Variants in PCDHA10 observed in about 807,000 individuals in gnomAD.
PCDHA10 encodes the protein protocadherin alpha 10, also known as protocadherin alpha-10.
Under a neutral mutation model 61.2 loss-of-function variants are expected in PCDHA10, and 45 were observed. That is an observed-to-expected ratio of 0.74 (90% CI 0.58 to 0.94). The LOEUF is 0.94. Among genes scored for constraint, PCDHA10 ranks in the 40% least tolerant of loss-of-function variants. The pLI is 0.00. For synonymous variants in PCDHA10, 602 were observed against 548.8 expected, an observed-to-expected ratio of 1.10 and a Z score of -1.35; for missense variants, 1,278 against 1,236.2, an observed-to-expected ratio of 1.03 and a Z score of -0.51.
intron 1 of PCDHA10, chr5:140,863,127 C>A: frequency 1.7e-6 from 1 of 597,490 alleles, no homozygotes; most frequent in Non-Finnish European, 3.3e-6. Context: ...CTACGCGCCA[C>A]CGCCTGCTGG....
At chr5:140,964,783 A>C (rs2095854085) in intron 1 of PCDHA10, among the ~76,000 whole-genome samples, 1 of 152,018 alleles carries the variant, frequency 6.6e-6, no homozygotes, top group East Asian at 1.9e-4. Context: ...AAGAGGAAGA[A>C]GCCAGAGACC....
intron 1 of PCDHA10, among the ~76,000 whole-genome samples, chr5:140,890,818 A>G (rs1170693390): frequency 1.3e-5 from 2 of 152,204 alleles, no homozygotes; most frequent in African/African-American, 4.8e-5. Flanking sequence ...ATTGTTTTAA[A>G]TGTACTTACA....
chr5:140,988,201 A>C (rs2097286908), intron 3 of PCDHA10, among the ~76,000 whole-genome samples: 1 of 152,064 alleles, frequency 6.6e-6, no homozygotes, highest in Non-Finnish European at 1.5e-5. Context: ...GCATATCCTT[A>C]TTAGGAAAAA....
chr5:140,966,216 C>T (rs1189015388), intron 1 of PCDHA10: 1 of 247,072 alleles, frequency 4.0e-6, no homozygotes, highest in African/African-American at 2.2e-5. Flanking sequence ...TTTTCCCAGA[C>T]TAATCTCCTT....
At chr5:140,911,560 A>T (rs1554194794) in intron 1 of PCDHA10, among the ~76,000 whole-genome samples, 2 of 152,170 alleles carry the variant, frequency 1.3e-5, no homozygotes, top group Non-Finnish European at 2.9e-5. Flanking sequence ...ATTTTCTTTC[A>T]TCACTTTGTC....
chr5:140,877,737 G>A, intron 1 of PCDHA10: 6 of 1,614,176 alleles, frequency 3.7e-6, no homozygotes, highest in Non-Finnish European at 5.1e-6. Flanking sequence ...AGCAGAGGAG[G>A]CAGAGGGTGT....
At chr5:140,913,797 A>T (rs546197577) in intron 1 of PCDHA10, among the ~76,000 whole-genome samples, 1 of 152,210 alleles carries the variant, frequency 6.6e-6, no homozygotes, top group Admixed American at 6.5e-5. Context: ...ATTTGTTTGA[A>T]TCAAATTTTC....
At chr5:140,902,933 T>C (rs898632295) in intron 1 of PCDHA10, among the ~76,000 whole-genome samples, 56 of 152,346 alleles carry the variant, frequency 3.7e-4, no homozygotes, top group African/African-American at 1.2e-3. Flanking sequence ...GGTGTATATA[T>C]ACCACATTTT....
At chr5:140,905,035 G>C (rs1554191907) in intron 1 of PCDHA10, among the ~76,000 whole-genome samples, 1 of 152,136 alleles carries the variant, frequency 6.6e-6, no homozygotes. Flanking sequence ...AAGCTTTTTA[G>C]TTTAATTAGG....
chr5:141,010,368 C>T lies in PCDHA10; in HGVS notation c.*431C>T, dbSNP rs368481822. ...GGTATGTGTGGCTACCGCGGGTATG[C>T]GAGTGCCAGATATTGGCTGAGACGA... On this transcript the variant is annotated 3_prime_UTR_variant, in exon 4 of 4. Coordinates refer to ENST00000307360, the MANE Select transcript of PCDHA10 (RefSeq NM_018901.4). The T allele has an allele frequency of 8.2e-6, 12 of 1,470,936 alleles. No homozygotes were observed. The East Asian group carries it at 1.7e-4, about 21-fold the overall frequency. 91.1% of individuals were successfully genotyped at this position (1,470,936 alleles called of 1,614,324 possible). A position where few individuals can be genotyped will look rare whatever the true frequency, so the allele number is the denominator to read the frequency against.
chr5:140,870,949 G>A (rs1554164920), intron 1 of PCDHA10: 2 of 1,613,686 alleles, frequency 1.2e-6, no homozygotes, highest in East Asian at 2.2e-5. Context: ...GGCGGCGGGC[G>A]GCTCGCGCAT....
In PCDHA10 at chr5:140,870,260, G is replaced by T. The variant is rs782261095; in HGVS notation, c.2388+11824G>T. The T allele has an allele frequency of 2.0e-5, 32 of 1,614,082 alleles. No individual in the cohort carries two copies. The highest frequency in any genetic ancestry group is 3.3e-4 in the Middle Eastern group (2 of 6,082). On this transcript the variant is annotated intron_variant, in intron 1 of 3. Coordinates refer to ENST00000307360, the MANE Select transcript of PCDHA10 (RefSeq NM_018901.4). ...TCAGGTGTCAACGGACAGGTGACCT[G>T]CTCGCTGACGCCCCACGTTCCCTTC...
chr5:141,003,714 C>T (rs781976885), intron 3 of PCDHA10, among the ~76,000 whole-genome samples: 17 of 152,266 alleles, frequency 1.1e-4, no homozygotes, highest in South Asian at 2.1e-4. Flanking sequence ...GTGAAGATAT[C>T]GGCTAATCCA....
At chr5:140,864,091 A>C (rs564098013) in intron 1 of PCDHA10, 4 of 152,590 alleles carry the variant, frequency 2.6e-5, no homozygotes, top group Admixed American at 2.0e-4. Context: ...TTCAGTTGAT[A>C]AGTATAATGA....
chr5:140,986,638 G>A (rs185773882), intron 3 of PCDHA10, among the ~76,000 whole-genome samples: 18 of 152,282 alleles, frequency 1.2e-4, no homozygotes, highest in Non-Finnish European at 2.6e-4. Flanking sequence ...CAGTACATTA[G>A]TTTTAGAGTG....
At chr5:140,933,338 G>T (rs2089065952) in intron 1 of PCDHA10, among the ~76,000 whole-genome samples, 1 of 151,926 alleles carries the variant, frequency 6.6e-6, no homozygotes, top group South Asian at 2.1e-4. Context: ...TGTAGAGAAA[G>T]ATAAACACTT....
rs1554174531 is a variant in PCDHA10 at position 140,882,554 on chromosome 5, T to G, written c.2388+24118T>G. On this transcript the variant is annotated intron_variant, in intron 1 of 3. Transcript: ENST00000307360. ...TTCTCGGATCGACCGCGAGGAGCTG[T>G]GTGGGCGGAGCGCGGAGTGCAGCAT... is the stretch of plus-strand genomic sequence containing the variant. 1.9e-6 allele frequency: 3 copies of G among 1,614,174 alleles called. No homozygotes were observed. The South Asian group carries it at 3.3e-5, about 18-fold the overall frequency.
At chr5:140,870,746 T>A in intron 1 of PCDHA10, 1 of 1,613,488 alleles carries the variant, frequency 6.2e-7, no homozygotes, top group South Asian at 1.1e-5. Flanking sequence ...AGCAGCAACG[T>A]GACGCTGCAG....
intron 1 of PCDHA10, among the ~76,000 whole-genome samples, chr5:140,885,790 G>T (rs141648269): frequency 0.012 from 1,822 of 152,058 alleles, 11 homozygotes; most frequent in Non-Finnish European, 0.018. Context: ...TGAGCATATT[G>T]TCATATGTAT....
Sources: gnomAD v4.1 joint callset for allele counts (sites outside exome capture counted in the v4.1 genomes callset) on GRCh38, gnomAD v4.1.1 for gene constraint, MANE v1.5 for transcripts, NCBI Gene and HGNC (gene_info 2026-07-23, HGNC 2026-07-21) for gene names.